KRT8: variants seen among roughly 807,000 people sequenced by gnomAD.
KRT8 encodes the protein keratin 8, also known as keratin, type II cytoskeletal 8.
Under a neutral mutation model 43.0 loss-of-function variants are expected in KRT8, and 24 were observed. The ratio of observed to expected loss-of-function variants is 0.56; its 90% CI spans 0.40 to 0.78. KRT8 has a LOEUF of 0.78. KRT8 is among the 30% of genes least tolerant of loss of function. The pLI, the probability that KRT8 is intolerant of heterozygous loss-of-function variation, is 0.00. For synonymous variants in KRT8, 214 were observed against 261.2 expected, an observed-to-expected ratio of 0.82 and a Z score of 1.74; for missense variants, 492 against 638.4, an observed-to-expected ratio of 0.77 and a Z score of 2.47.
chr12:52,949,455 C>T lies in KRT8; in HGVS notation c.-47+1G>A, dbSNP rs386834224. On this transcript the variant is annotated splice_donor_variant, in intron 2 of 6. Transcript: ENST00000546826. LOFTEE classifies it low-confidence loss of function (5UTR_SPLICE). ...GCCTGAACGACCGCCTGGCCTCTTA[C>T]CTGGACAGAGTGAGGAGCCTGGAGA... The T allele has an allele frequency of 4.3e-5, 69 of 1,613,220 alleles. No individual in the cohort carries two copies. The Admixed American group carries it at 1.1e-3, about 25-fold the overall frequency.
intron 2 of KRT8, among the ~76,000 whole-genome samples, chr12:52,921,035 T>C (rs1369802260): frequency 1.3e-5 from 2 of 152,198 alleles, no homozygotes; most frequent in African/African-American, 4.8e-5. Context: ...CCAACTCAGA[T>C]ACAATGACCC....
exon 1 of KRT8, chr12:52,904,804 T>G: frequency 6.2e-7 from 1 of 1,612,260 alleles, no homozygotes; most frequent in Non-Finnish European, 8.5e-7. Context: ...ATGCCTCCCA[T>G]GCCGCTGGCC....
intron 5 of KRT8, among the ~76,000 whole-genome samples, chr12:52,899,336 C>G (rs1396798569): frequency 6.6e-6 from 1 of 151,884 alleles, no homozygotes; most frequent in Non-Finnish European, 1.5e-5. Flanking sequence ...AATAAATAAA[C>G]GAGACTAAGG....
At chr12:52,902,226 G>A (rs964127580) in intron 1 of KRT8, 154 bp from the exon 2 acceptor site, 1 of 635,016 alleles carries the variant, frequency 1.6e-6, no homozygotes, top group East Asian at 2.7e-5. Flanking sequence ...GATCACCTAT[G>A]ACCAGGGGGA....
chr12:52,929,488 C>T (rs777782202), intron 2 of KRT8, among the ~76,000 whole-genome samples: 6 of 152,228 alleles, frequency 3.9e-5, no homozygotes, highest in Non-Finnish European at 5.9e-5. Context: ...GCCACCTCGT[C>T]CAACCGCCTT....
chr12:52,949,109 C>T, intron 2 of KRT8: 1 of 1,367,036 alleles, frequency 7.3e-7, no homozygotes, highest in Non-Finnish European at 9.9e-7. Context: ...GGTCGCGCGG[C>T]TCGCGCAGGC....
intron 2 of KRT8, among the ~76,000 whole-genome samples, chr12:52,923,576 C>A (rs1459136711): frequency 6.6e-6 from 1 of 152,078 alleles, no homozygotes; most frequent in South Asian, 2.1e-4. Context: ...CCAGCCACCA[C>A]GCCTGGCTAA....
upstream of KRT8, chr12:52,905,208 CAGAGA>C: frequency 9.8e-6 from 7 of 713,700 alleles, no homozygotes; most frequent in Non-Finnish European, 1.5e-5. Flanking sequence ...GTGGGGGCAG[CAGAGA>C]GCTGCCGCCA....
At chr12:52,900,666 G>A (rs1312754955) in exon 4 of KRT8, 5 of 1,612,596 alleles carry the variant, frequency 3.1e-6, no homozygotes, top group African/African-American at 2.7e-5. Flanking sequence ...CCTTGTTCAT[G>A]TAAGCTTCAT....
At chr12:52,933,418 T>C (rs1942116331) in intron 2 of KRT8, among the ~76,000 whole-genome samples, 1 of 152,118 alleles carries the variant, frequency 6.6e-6, no homozygotes, top group South Asian at 2.1e-4. Flanking sequence ...AAATTAAAGA[T>C]GTATATGAAT....
chr12:52,923,003 C>A (rs1017028734), intron 2 of KRT8, among the ~76,000 whole-genome samples: 4 of 152,168 alleles, frequency 2.6e-5, no homozygotes, highest in African/African-American at 9.7e-5. Flanking sequence ...TCTGGGGAAG[C>A]TCAGGAAGCC....
chr12:52,905,953 A>C (rs970177312), upstream of KRT8, among the ~76,000 whole-genome samples: 1 of 152,166 alleles, frequency 6.6e-6, no homozygotes, highest in Non-Finnish European at 1.5e-5. Context: ...TTAGCTGGCC[A>C]TGGTGTAATC....
intron 2 of KRT8, among the ~76,000 whole-genome samples, chr12:52,929,781 C>T (rs1436241481): frequency 6.6e-6 from 1 of 152,170 alleles, no homozygotes; most frequent in African/African-American, 2.4e-5. Context: ...AGGATTCCCA[C>T]CTCCCTGCCT....
exon 1 of KRT8, chr12:52,949,738 G>A (rs778330570): frequency 1.3e-6 from 1 of 758,922 alleles, no homozygotes; most frequent in Non-Finnish European, 2.4e-6. Flanking sequence ...CGCGCACCTA[G>A]CCACAGGGTC....
intron 2 of KRT8, among the ~76,000 whole-genome samples, chr12:52,918,180 G>GAAGAAGAAGAAGAAGAAGAAGAAGGA: frequency 5.4e-5 from 4 of 73,718 alleles, no homozygotes; most frequent in African/African-American, 1.8e-4. Context: ...AAGAGGAAGA[G>GAAGAAGAAGAAGAAGAAGAAGAAGGA]GAAGAAGAAG....
At chr12:52,918,515 C>T (rs2120650649) in intron 2 of KRT8, among the ~76,000 whole-genome samples, 1 of 152,318 alleles carries the variant, frequency 6.6e-6, no homozygotes, top group Non-Finnish European at 1.5e-5. Context: ...GGTGCAGCTG[C>T]CCCGAGCCTG....
At chr12:52,922,184 T>TAAAAAAA (rs57023136) in intron 2 of KRT8, among the ~76,000 whole-genome samples, 3 of 38,672 alleles carry the variant, frequency 7.8e-5, no homozygotes, top group Admixed American at 3.7e-4. Flanking sequence ...ACCCTGTCTC[T>TAAAAAAA]AAAAAAAAAA....
intron 2 of KRT8, among the ~76,000 whole-genome samples, chr12:52,918,013 AAGG>A (rs1269452939): frequency 2.8e-5 from 3 of 106,374 alleles, no homozygotes; most frequent in Admixed American, 1.3e-4. Flanking sequence ...GAGGAAGAAG[AAGG>A]AGAAGAAGAA....
chr12:52,908,017 G>A (rs975667705), upstream of KRT8, among the ~76,000 whole-genome samples: 6 of 152,184 alleles, frequency 3.9e-5, no homozygotes, highest in Admixed American at 1.3e-4. Context: ...GCCTCAAACC[G>A]CCTTTCCTGG....
Sources: gnomAD v4.1 joint callset for allele counts (sites outside exome capture counted in the v4.1 genomes callset) on GRCh38, gnomAD v4.1.1 for gene constraint, MANE v1.5 for transcripts, NCBI Gene and HGNC (gene_info 2026-07-23, HGNC 2026-07-21) for gene names.